The following PCDH15 variants were observed in gnomAD, a reference collection of about 807,000 sequenced individuals.
PCDH15 encodes the protein protocadherin related 15.
PCDH15 carries 129 observed loss-of-function variants against 178.5 expected under a neutral mutation model. The ratio of observed to expected loss-of-function variants is 0.72; its 90% CI spans 0.63 to 0.84. PCDH15 has a LOEUF of 0.84. PCDH15 is among the 40% of genes least tolerant of loss of function. The probability of loss-of-function intolerance (pLI) is 0.00; values close to 1 mark genes in which losing one functional copy is unlikely to be tolerated. For synonymous variants in PCDH15, 800 were observed against 732.0 expected, an observed-to-expected ratio of 1.09 and a Z score of -1.50; for missense variants, 2,230 against 2,099.9, an observed-to-expected ratio of 1.06 and a Z score of -1.21.
chr10:54,437,658 T>C (rs2075512824), intron 3 of PCDH15, among the ~76,000 whole-genome samples: 1 of 152,174 alleles, frequency 6.6e-6, no homozygotes, highest in Admixed American at 6.5e-5. Context: ...CTGATTTTAG[T>C]CTGGCATACA....
intron 2 of PCDH15, among the ~76,000 whole-genome samples, chr10:55,431,685 C>T (rs1432783694): frequency 1.3e-5 from 2 of 152,148 alleles, no homozygotes; most frequent in African/African-American, 4.8e-5. Flanking sequence ...CTAAAACACA[C>T]TAAATGAGTA....
chr10:54,064,729 G>A (rs1260267847), intron 18 of PCDH15, among the ~76,000 whole-genome samples: 3 of 152,130 alleles, frequency 2.0e-5, no homozygotes, highest in Admixed American at 6.5e-5. Context: ...ACCTGGGCTC[G>A]GCCTGAACTT....
intron 27 of PCDH15, among the ~76,000 whole-genome samples, chr10:53,866,042 A>G (rs2079427980): frequency 1.3e-5 from 2 of 152,126 alleles, no homozygotes; most frequent in African/African-American, 4.8e-5. Flanking sequence ...TCTATCACTA[A>G]ACTTCTGCAC....
chr10:54,228,745 T>G (rs2053734965), intron 9 of PCDH15, among the ~76,000 whole-genome samples: 1 of 152,196 alleles, frequency 6.6e-6, no homozygotes, highest in South Asian at 2.1e-4. Flanking sequence ...AGGCCCTCAA[T>G]GGACTGGATG....
At chr10:55,419,423 A>C (rs993423238) in intron 2 of PCDH15, among the ~76,000 whole-genome samples, 3 of 151,814 alleles carry the variant, frequency 2.0e-5, no homozygotes, top group Admixed American at 6.6e-5. Context: ...ATACTAGGTG[A>C]TGTGAACTGT....
chr10:54,265,484 A>AT (rs199610482), intron 8 of PCDH15, among the ~76,000 whole-genome samples: 125 of 148,344 alleles, frequency 8.4e-4, no homozygotes, highest in Non-Finnish European at 6.3e-4. Flanking sequence ...GTGAATTGGA[A>AT]TTAAAAAAAA....
chr10:54,165,061 C>T (rs2046082776), intron 13 of PCDH15, among the ~76,000 whole-genome samples: 1 of 152,132 alleles, frequency 6.6e-6, no homozygotes, highest in Non-Finnish European at 1.5e-5. Flanking sequence ...TTGATTTCTT[C>T]ATGTGTCAAT....
At chr10:55,541,892 A>G (rs923765230) in intron 2 of PCDH15, among the ~76,000 whole-genome samples, 1 of 151,934 alleles carries the variant, frequency 6.6e-6, no homozygotes, top group Non-Finnish European at 1.5e-5. Context: ...TGTCCAAACC[A>G]TAAGAAAGAA....
chr10:55,152,955 T>A (rs1838775769), intron 2 of PCDH15, among the ~76,000 whole-genome samples: 1 of 150,076 alleles, frequency 6.7e-6, no homozygotes. Context: ...CCACCATGAA[T>A]TTTTTTTTTA....
rs746061309 is a variant in PCDH15 at position 54,236,849 on chromosome 10, G to A, written c.959C>T (p.Pro320Leu). 3 of 1,613,116 alleles carry A rather than the reference G, an allele frequency of 1.9e-6. No individual in the cohort carries two copies. Among genetic ancestry groups the A allele is most frequent in the South Asian group, 2.2e-5 (2 of 91,066 alleles). ...DRNIQPPSDR[P>L]GILYSILVGT... is the part of the protein sequence containing the mutation. ...AACAAGGATGGAATAGAGGATTCCT[G>A]GCCTATCTGATGGCGGTTGAATATT... is the stretch of plus-strand genomic sequence containing the variant. Residue 320 changes from proline to leucine, a missense_variant, in exon 9 of 38, where the codon CCA (proline) becomes CTA (leucine). Transcript: ENST00000644397.
At chr10:54,796,268 A>ATCTGTCTG (rs796594263) in intron 1 of PCDH15, among the ~76,000 whole-genome samples, 2 of 120,862 alleles carry the variant, frequency 1.7e-5, no homozygotes, top group African/African-American at 6.8e-5. Context: ...CTATCTATCT[A>ATCTGTCTG]TCTATGTATC....
intron 15 of PCDH15, among the ~76,000 whole-genome samples, chr10:54,099,938 C>A (rs774793950): frequency 6.6e-6 from 1 of 152,072 alleles, no homozygotes; most frequent in Non-Finnish European, 1.5e-5. Flanking sequence ...AGGGAACTAG[C>A]ATGTATCCCT....
At chr10:55,067,638 T>TA (rs1254536768) in intron 2 of PCDH15, among the ~76,000 whole-genome samples, 3 of 5,310 alleles carry the variant, frequency 5.6e-4, no homozygotes, top group Admixed American at 3.6e-3. Flanking sequence ...GATAGTTCTA[T>TA]TTTTTTTTTT....
intron 9 of PCDH15, among the ~76,000 whole-genome samples, chr10:54,234,480 G>A (rs544882761): frequency 6.6e-6 from 1 of 152,240 alleles, no homozygotes; most frequent in Non-Finnish European, 1.5e-5. Context: ...TTGAACCCAG[G>A]AAGTCGAAGC....
intron 6 of PCDH15, among the ~76,000 whole-genome samples, chr10:54,341,621 T>G (rs1565017118): frequency 6.6e-6 from 1 of 152,180 alleles, no homozygotes. Flanking sequence ...ACTTTGGAAC[T>G]GGGTAATGGT....
At chr10:53,967,417 T>C (rs34533987) in intron 21 of PCDH15, among the ~76,000 whole-genome samples, 16,378 of 152,188 alleles carry the variant, frequency 0.11, 912 homozygotes, top group East Asian at 0.12. Flanking sequence ...TACAGGTGCA[T>C]GCCATCATGC....
chr10:55,246,242 G>A (rs1376669802), intron 1 of PCDH15, among the ~76,000 whole-genome samples: 1 of 152,100 alleles, frequency 6.6e-6, no homozygotes, highest in Non-Finnish European at 1.5e-5. Flanking sequence ...TTTGCATGTA[G>A]TTTCTTTTCT....
intron 1 of PCDH15, among the ~76,000 whole-genome samples, chr10:54,687,357 T>A (rs1043338952): frequency 6.6e-6 from 1 of 152,124 alleles, no homozygotes; most frequent in South Asian, 2.1e-4. Flanking sequence ...CATATACTAG[T>A]ACTCTTATGC....
intron 2 of PCDH15, among the ~76,000 whole-genome samples, chr10:55,388,387 C>G (rs949616901): frequency 6.6e-6 from 1 of 152,004 alleles, no homozygotes; most frequent in African/African-American, 2.4e-5. Flanking sequence ...ATTGTTCACT[C>G]TCTCTGAATC....
Sources: allele counts gnomAD v4.1 joint callset (sites outside exome capture counted in the v4.1 genomes callset), GRCh38; gene constraint gnomAD v4.1.1; transcripts MANE v1.5; gene names NCBI Gene and HGNC (gene_info 2026-07-23, HGNC 2026-07-21).